Variants in COL26A1 observed in about 807,000 individuals in gnomAD.
COL26A1 encodes the protein collagen alpha-1(XXVI) chain.
In COL26A1, 41 loss-of-function variants were observed where a neutral mutation model predicts 59.3. The observed-to-expected ratio is 0.69, with a 90% CI of 0.54 to 0.90. The LOEUF is 0.90. COL26A1 is among the 40% of genes least tolerant of loss of function. The pLI is 0.00. For synonymous variants in COL26A1, 266 were observed against 256.0 expected (o/e 1.04, Z -0.37); for missense variants, 612 against 602.3 (o/e 1.02, Z -0.17).
intron 1 of COL26A1, among the ~76,000 whole-genome samples, chr7:101,412,309 T>G (rs1017614041): frequency 3.9e-5 from 6 of 152,032 alleles, no homozygotes; most frequent in African/African-American, 7.2e-5. Flanking sequence ...GCTACCACCC[T>G]CATCCTGGAA....
chr7:101,373,186 G>T (rs1791233727), intron 1 of COL26A1, among the ~76,000 whole-genome samples: 1 of 152,158 alleles, frequency 6.6e-6, no homozygotes, highest in Non-Finnish European at 1.5e-5. Flanking sequence ...GGAGGTAGTT[G>T]ATGGATGGAG....
At chr7:101,468,384 T>C (rs945762721) in intron 3 of COL26A1, among the ~76,000 whole-genome samples, 1 of 152,146 alleles carries the variant, frequency 6.6e-6, no homozygotes, top group South Asian at 2.1e-4. Flanking sequence ...TTACCCCCAC[T>C]ATCTGCCTAA....
chr7:101,557,796 G>C lies in COL26A1; in HGVS notation c.*266G>C. 2 of 435,846 alleles carry C rather than the reference G, an allele frequency of 4.6e-6. No individual in the cohort carries two copies. Among genetic ancestry groups the C allele is most frequent in the Non-Finnish European group, 8.2e-6 (2 of 243,534 alleles). The allele number at this position is 435,846 out of a possible 1,614,324, so 27.0% of individuals were successfully genotyped here. On this transcript the variant is annotated 3_prime_UTR_variant, in exon 13 of 13. Transcript: ENST00000313669. ...GGGGTCTGGGTGGGCTGGGTGCTGG[G>C]AATGAGAATAATCCTAATACCCATC...
intron 4 of COL26A1, among the ~76,000 whole-genome samples, chr7:101,537,948 T>G (rs1439695162): frequency 2.7e-5 from 4 of 146,976 alleles, no homozygotes; most frequent in Non-Finnish European, 4.5e-5. Flanking sequence ...ACTTATCACC[T>G]TCACTCCCAA....
At chr7:101,374,685 C>T (rs6465801) in intron 1 of COL26A1, among the ~76,000 whole-genome samples, 88,203 of 152,022 alleles carry the variant, frequency 0.58, 27,165 homozygotes, top group African/African-American at 0.8. Flanking sequence ...AAAACAAGCT[C>T]AGGGCTCCCA....
intron 3 of COL26A1, among the ~76,000 whole-genome samples, chr7:101,531,273 C>T (rs1371156140): frequency 6.6e-6 from 1 of 152,152 alleles, no homozygotes; most frequent in East Asian, 1.9e-4. Flanking sequence ...ACCCGGCCTA[C>T]CTTTTTATTT....
At chr7:101,540,265 C>T (rs1381248074) in intron 5 of COL26A1, among the ~76,000 whole-genome samples, 2 of 152,196 alleles carry the variant, frequency 1.3e-5, no homozygotes, top group Admixed American at 1.3e-4. Context: ...TGGTCAGGTG[C>T]AGTGGCTCAT....
Position 101,369,892 on chromosome 7 carries a change from C to T in COL26A1, c.158+6702C>T, listed in dbSNP as rs185318418. ...TTATTTGTTTTTTGAGATGGAGTTTCGCTCTTGTTGCCCATGCTGGAGTGC... is the reference window on the plus strand; with the variant it reads ...TTATTTGTTTTTTGAGATGGAGTTTTGCTCTTGTTGCCCATGCTGGAGTGC... On this transcript the variant is annotated intron_variant, in intron 1 of 12. Coordinates refer to ENST00000313669, the MANE Select transcript of COL26A1 (RefSeq NM_001278563.3). Among the ~76,000 whole-genome samples, 31 of 151,536 alleles carry T rather than the reference C, an allele frequency of 2.0e-4. 2 individuals carry two copies. In the East Asian group the frequency reaches 4.7e-3, roughly 23 times the overall value.
At chr7:101,470,224 T>G (rs1166015815) in intron 3 of COL26A1, among the ~76,000 whole-genome samples, 3 of 151,560 alleles carry the variant, frequency 2.0e-5, no homozygotes, top group African/African-American at 7.3e-5. Flanking sequence ...CTCAGCCTCC[T>G]GAATAGTTGG....
intron 3 of COL26A1, among the ~76,000 whole-genome samples, chr7:101,489,667 TCCTTCCTTCC>T (rs1182791390): frequency 1.4e-4 from 7 of 50,284 alleles, no homozygotes; most frequent in East Asian, 8.4e-4. Flanking sequence ...CTTTCTTCCT[TCCTTCCTTCC>T]TTCCTTTCTT....
At chr7:101,400,864 C>T (rs10278190) in intron 1 of COL26A1, among the ~76,000 whole-genome samples, 49,369 of 152,012 alleles carry the variant, frequency 0.32, 8,838 homozygotes, top group African/African-American at 0.47. Context: ...CGACCCACAC[C>T]GCCTTCCTTC....
At chr7:101,428,454 G>T (rs2130307669) in intron 2 of COL26A1, among the ~76,000 whole-genome samples, 1 of 152,280 alleles carries the variant, frequency 6.6e-6, no homozygotes, top group South Asian at 2.1e-4. Context: ...GGTATTCAGG[G>T]AGGAAAAGGA....
At chr7:101,544,194 C>A in intron 6 of COL26A1, 98 bp downstream of exon 6, 1 of 835,520 alleles carries the variant, frequency 1.2e-6, no homozygotes, top group South Asian at 1.9e-5. Context: ...GCACCCACAG[C>A]CCTGATCTTG....
chr7:101,407,897 T>C (rs1377230338), intron 1 of COL26A1, among the ~76,000 whole-genome samples: 1 of 152,152 alleles, frequency 6.6e-6, no homozygotes, highest in African/African-American at 2.4e-5. Flanking sequence ...AAATTATGAA[T>C]AACCTGCCTG....
At chr7:101,391,715 C>T (rs529426308) in intron 1 of COL26A1, among the ~76,000 whole-genome samples, 85 of 152,186 alleles carry the variant, frequency 5.6e-4, no homozygotes, top group East Asian at 1.2e-3. Flanking sequence ...CCACCACGCC[C>T]GGCTAATTTT....
At chr7:101,403,517 TCAACAA>T (rs987564769) in intron 1 of COL26A1, among the ~76,000 whole-genome samples, 1 of 149,594 alleles carries the variant, frequency 6.7e-6, no homozygotes, top group Admixed American at 6.7e-5. Context: ...AGACTCTGCT[TCAACAA>T]CAACAACAAA....
intron 3 of COL26A1, among the ~76,000 whole-genome samples, chr7:101,466,311 T>C (rs2130445541): frequency 6.6e-6 from 1 of 152,234 alleles, no homozygotes; most frequent in Non-Finnish European, 1.5e-5. Context: ...AAGTACCTGA[T>C]GTGGCACAAT....
At chr7:101,486,418 A>C (rs1794270725) in intron 3 of COL26A1, among the ~76,000 whole-genome samples, 1 of 152,176 alleles carries the variant, frequency 6.6e-6, no homozygotes, top group African/African-American at 2.4e-5. Context: ...CTCAGCAGAG[A>C]CATTGAGGAC....
chr7:101,364,020 C>T (rs1790979571), intron 1 of COL26A1, among the ~76,000 whole-genome samples: 2 of 152,196 alleles, frequency 1.3e-5, no homozygotes, highest in East Asian at 1.9e-4. Context: ...CGGCTGGGAT[C>T]GGGTGGCTCC....
Sources: gnomAD v4.1 joint callset for allele counts (sites outside exome capture counted in the v4.1 genomes callset) on GRCh38, gnomAD v4.1.1 for gene constraint, MANE v1.5 for transcripts, NCBI Gene and HGNC (gene_info 2026-07-23, HGNC 2026-07-21) for gene names.